The following WDR17 variants were observed in gnomAD, a reference collection of about 807,000 sequenced individuals.
The protein encoded by WDR17 is WD repeat domain 17.
In WDR17, 143 loss-of-function variants were observed where a neutral mutation model predicts 161.7. The ratio of observed to expected loss-of-function variants is 0.88; its 90% CI spans 0.77 to 1.02. The LOEUF (loss-of-function observed/expected upper bound fraction) is 1.02, where lower values mean the gene tolerates loss of function less well. Ranked by LOEUF, WDR17 falls within the 50% of genes least tolerant of loss-of-function variation. The pLI is 0.00. For synonymous variants in WDR17, 517 were observed against 515.6 expected, an observed-to-expected ratio of 1.00 and a Z score of -0.04; for missense variants, 1,469 against 1,520.9, an observed-to-expected ratio of 0.97 and a Z score of 0.57.
At chr4:176,072,318 G>A (rs1733348478) in intron 1 of WDR17, among the ~76,000 whole-genome samples, 1 of 152,178 alleles carries the variant, frequency 6.6e-6, no homozygotes, top group African/African-American at 2.4e-5. Context: ...AACTAGGCCA[G>A]TAGTTCTTAA....
intron 5 of WDR17, among the ~76,000 whole-genome samples, chr4:176,128,438 A>G (rs753186525): frequency 3.9e-5 from 6 of 152,162 alleles, no homozygotes; most frequent in Non-Finnish European, 7.4e-5. Context: ...ATATGTCAAT[A>G]GGGTCTTTTT....
chr4:176,142,640 A>C (rs974402741), intron 11 of WDR17, among the ~76,000 whole-genome samples: 1 of 152,226 alleles, frequency 6.6e-6, no homozygotes, highest in Non-Finnish European at 1.5e-5. Context: ...TGCATTTCCT[A>C]GAATATTGTG....
rs560800497 is a variant in WDR17 at position 176,160,094 on chromosome 4, G to A, written c.2626G>A (p.Gly876Ser). The change falls in exon 19 of 29, where the codon GGT (glycine) becomes AGT (serine). Residue 876 changes from glycine (G) to serine (S), a missense_variant. Transcript: ENST00000508596. ...KKLVHFFMSR[G>S]QLKEALLVAQ... ...GCTAGTCCATTTTTTCATGTCAAGA[G>A]GTCAGCTTAAAGAAGCTCTGCTTGT... The A allele has an allele frequency of 1.2e-6, 2 of 1,613,808 alleles. No homozygotes were observed. Among genetic ancestry groups the A allele is most frequent in the African/African-American group, 2.7e-5 (2 of 75,016 alleles).
chr4:176,086,547 C>T (rs187080544), intron 1 of WDR17, among the ~76,000 whole-genome samples: 40 of 151,894 alleles, frequency 2.6e-4, no homozygotes, highest in Non-Finnish European at 5.0e-4. Context: ...CTTTAAGCAA[C>T]GTTCCTCTCT....
chr4:176,137,841 C>T (rs1744660476), intron 9 of WDR17, among the ~76,000 whole-genome samples: 1 of 151,508 alleles, frequency 6.6e-6, no homozygotes, highest in African/African-American at 2.4e-5. Context: ...TTTGAGTCAT[C>T]CTCCACAAAA....
At chr4:176,115,140 A>G (rs576753293) in intron 2 of WDR17, among the ~76,000 whole-genome samples, 4 of 152,176 alleles carry the variant, frequency 2.6e-5, no homozygotes, top group Admixed American at 1.3e-4. Context: ...ATTATATGCT[A>G]AAGGGGAAGA....
Position 176,076,214 on chromosome 4 carries a change from AATATATATATATATAT to A in WDR17, c.-7+10161_-7+10176del, listed in dbSNP as rs1219401869. ...TAGTTAACTGTATGTTTACATATAT[AATATATATATATATAT>A]ATATATATATATATATATATATATA... On this transcript the variant is annotated intron_variant, in intron 1 of 28. Coordinates refer to ENST00000508596, the MANE Select transcript of WDR17 (RefSeq NM_181265.4). Among the ~76,000 whole-genome samples, 38 of 62,272 alleles carry A rather than the reference AATATATATATATATAT, an allele frequency of 6.1e-4. 1 individual carries two copies. Among genetic ancestry groups the A allele is most frequent in the East Asian group, 1.8e-3 (3 of 1,660 alleles). The allele number at this position is 62,272 out of a possible 152,430, so 40.9% of individuals were successfully genotyped here.
chr4:176,111,178 A>G (rs1327640508), intron 1 of WDR17: 1 of 153,088 alleles, frequency 6.5e-6, no homozygotes, highest in Non-Finnish European at 1.5e-5. Flanking sequence ...TACATTTCAC[A>G]TAAAAATCTG....
chr4:176,108,094 A>T (rs1739088435), intron 1 of WDR17, among the ~76,000 whole-genome samples: 1 of 151,822 alleles, frequency 6.6e-6, no homozygotes. Flanking sequence ...GCTGGAGTGC[A>T]GTAGCATGGT....
intron 23 of WDR17, among the ~76,000 whole-genome samples, chr4:176,169,642 T>C (rs1750409592): frequency 6.6e-6 from 1 of 152,238 alleles, no homozygotes; most frequent in Non-Finnish European, 1.5e-5. Flanking sequence ...ATTTGAACCG[T>C]GATTTTTTTA....
At chr4:176,092,527 C>T (rs745959574) in intron 1 of WDR17, among the ~76,000 whole-genome samples, 35 of 151,990 alleles carry the variant, frequency 2.3e-4, no homozygotes, top group Non-Finnish European at 4.4e-4. Context: ...TTTGGAAATC[C>T]TAGCTAGAGC....
In WDR17 at chr4:176,163,177, C is replaced by T. The variant is rs146440894; in HGVS notation, c.2874C>T (p.Arg958=). Residue 958 remains arginine, a synonymous_variant, in exon 22 of 29, where the codon CGC becomes CGT. Coordinates refer to ENST00000508596, the MANE Select transcript of WDR17 (RefSeq NM_181265.4). ...AGCTTGCTATGGCATACCTGATTCG[C>T]GGAAATGAACTGGAGTTGGCAGTCT... is the stretch of plus-strand genomic sequence containing the variant. The part of the protein sequence containing the change: ...NIELAMAYLI[R]GNELELAVCV... 1.3e-4 allele frequency: 209 copies of T among 1,614,032 alleles called. No homozygotes were observed. The highest frequency in any genetic ancestry group is 2.5e-4 in the East Asian group (11 of 44,870).
At chr4:176,131,344 T>C (rs191468896) in intron 6 of WDR17, among the ~76,000 whole-genome samples, 213 of 152,252 alleles carry the variant, frequency 1.4e-3, no homozygotes, top group African/African-American at 4.6e-3. Flanking sequence ...TTTCATCTAT[T>C]TGCTCCATCT....
In WDR17 at chr4:176,122,226, G is replaced by T. The variant is rs541469244; in HGVS notation, c.538+2129G>T. 3.9e-4 allele frequency among the ~76,000 whole-genome samples: 59 copies of T among 152,260 alleles called. No homozygotes were observed. The Middle Eastern group carries it at 0.01, about 26-fold the overall frequency. On this transcript the variant is annotated intron_variant, in intron 4 of 28. Coordinates refer to ENST00000508596, the MANE Select transcript of WDR17 (RefSeq NM_181265.4). ...CACGTGGCATCCCTGCTGTGTGTATGCATGTCTCTGTGACAAAATTTTCCC... is the reference window on the plus strand; with the variant it reads ...CACGTGGCATCCCTGCTGTGTGTATTCATGTCTCTGTGACAAAATTTTCCC...
chr4:176,121,907 A>G (rs1281128309), intron 4 of WDR17, among the ~76,000 whole-genome samples: 1 of 152,196 alleles, frequency 6.6e-6, no homozygotes, highest in Non-Finnish European at 1.5e-5. Context: ...CAATAACCCA[A>G]TCTTCCAGTT....
intron 22 of WDR17, 83 bp downstream of exon 22, chr4:176,163,376 T>C (rs945906961): frequency 1.7e-4 from 250 of 1,434,290 alleles, no homozygotes; most frequent in Non-Finnish European, 2.2e-4. Context: ...TGATAAGATA[T>C]GCATTGGGAG....
Position 176,134,690 on chromosome 4 carries a change from A to G in WDR17, c.1099-418A>G, listed in dbSNP as rs147931591. Among the ~76,000 whole-genome samples, 271 of 151,836 alleles carry G rather than the reference A, an allele frequency of 1.8e-3. 1 individual carries two copies. The highest frequency in any genetic ancestry group is 5.4e-3 in the African/African-American group (226 of 41,550). ...GGAATATTTGCATTAAATGACTTTT[A>G]GTTTGAGTTTCATCTTGGTCTTCTA... On this transcript the variant is annotated intron_variant, in intron 7 of 28. Transcript: ENST00000508596.
At chr4:176,070,068 A>G (rs966365791) in intron 1 of WDR17, among the ~76,000 whole-genome samples, 5 of 152,204 alleles carry the variant, frequency 3.3e-5, no homozygotes, top group Non-Finnish European at 7.3e-5. Context: ...TAATGAGGAC[A>G]CTAAACACAT....
chr4:176,128,786 C>T lies in WDR17; in HGVS notation c.839C>T (p.Pro280Leu). 1 of 1,605,846 alleles carries T rather than the reference C, an allele frequency of 6.2e-7. No homozygotes were observed. Among genetic ancestry groups the T allele is most frequent in the Non-Finnish European group, 8.5e-7 (1 of 1,176,770 alleles). ...LRIWNVSRTT[P>L]IDNLKLKKTG... is the part of the protein sequence containing the mutation. ...ATTTGGAATGTTTCAAGAACAACAC[C>T]TATTGATAATCTTAAATTAAAGAAA... The change falls in exon 6 of 29, where the codon CCT (proline) becomes CTT (leucine). Residue 280 changes from proline to leucine, a missense_variant. Transcript: ENST00000508596.
Sources: allele counts gnomAD v4.1 joint callset (sites outside exome capture counted in the v4.1 genomes callset), GRCh38; gene constraint gnomAD v4.1.1; transcripts MANE v1.5; gene names NCBI Gene and HGNC (gene_info 2026-07-23, HGNC 2026-07-21).